MAPKBP1: variants seen among roughly 807,000 people sequenced by gnomAD.
MAPKBP1 encodes mitogen-activated protein kinase-binding protein 1.
MAPKBP1 carries 71 observed loss-of-function variants against 170.5 expected under a neutral mutation model. The observed-to-expected ratio is 0.42, with a 90% CI of 0.34 to 0.51. The LOEUF (loss-of-function observed/expected upper bound fraction) is 0.51. Among genes scored for constraint, MAPKBP1 ranks in the 20% least tolerant of loss-of-function variants. MAPKBP1 has a pLI of 0.06. For missense variants in MAPKBP1, 1,598 were observed against 1,933.0 expected (o/e 0.83, Z 3.25); for synonymous variants, 719 against 757.9 (o/e 0.95, Z 0.84).
intron 2 of MAPKBP1, among the ~76,000 whole-genome samples, chr15:41,779,008 T>A (rs755051291): frequency 1.3e-5 from 2 of 152,244 alleles, no homozygotes; most frequent in Non-Finnish European, 2.9e-5. Flanking sequence ...TGTGTTTTTT[T>A]AATTGTAAAT....
chr15:41,790,414 A>G (rs1032602991), intron 2 of MAPKBP1, among the ~76,000 whole-genome samples: 1 of 152,150 alleles, frequency 6.6e-6, no homozygotes, highest in African/African-American at 2.4e-5. Context: ...GACTGTTGTT[A>G]CATGAAAAAA....
In MAPKBP1 at chr15:41,774,830, G is replaced by A. The variant is rs1567129284; in HGVS notation, c.-110+220G>A. ...GGTGTCCAGGCCTGCGGAAATCCCTGGTGGTCTCGGCGGCCTCCTCCCTTG... is the reference window on the plus strand; with the variant it reads ...GGTGTCCAGGCCTGCGGAAATCCCTAGTGGTCTCGGCGGCCTCCTCCCTTG... On this transcript the variant is annotated intron_variant, in intron 1 of 30. Transcript: ENST00000457542. The A allele has an allele frequency of 1.0e-5, 4 of 401,502 alleles. No homozygotes were observed. The Admixed American group carries it at 1.7e-4, about 17-fold the overall frequency. The allele number at this position is 401,502 out of a possible 1,614,324, so 24.9% of individuals were successfully genotyped here.
chr15:41,810,730 A>G (rs1019747071), intron 3 of MAPKBP1, 153 bp from the exon 4 acceptor site: 9 of 608,114 alleles, frequency 1.5e-5, no homozygotes, highest in African/African-American at 3.7e-5. Context: ...AAAAAAAAAA[A>G]AAAAAAAAAG....
rs1485045479 is a variant in MAPKBP1 at position 41,774,507 on chromosome 15, C to CCTG, written c.-205_-203dup. ...TTGAGCCGATCGTGCCACCATAGCT[C>CCTG]CTGCTGCTGCCTCTACCGCTGCGGC... On this transcript the variant is annotated 5_prime_UTR_variant, in exon 1 of 31. Coordinates refer to ENST00000457542, the MANE Select transcript of MAPKBP1 (RefSeq NM_014994.3). 3 of 398,498 alleles carry CCTG rather than the reference C, an allele frequency of 7.5e-6. No individual in the cohort carries two copies. The highest frequency in any genetic ancestry group is 1.3e-5 in the Non-Finnish European group (3 of 225,962). 24.7% of individuals were successfully genotyped at this position (398,498 alleles called of 1,614,324 possible). A position where few individuals can be genotyped will look rare whatever the true frequency, so the allele number is the denominator to read the frequency against.
intron 7 of MAPKBP1, 116 bp downstream of exon 7, chr15:41,812,769 A>T (rs186982536): frequency 1.4e-6 from 2 of 1,466,594 alleles, no homozygotes; most frequent in East Asian, 4.6e-5. Context: ...GTCATGCAGA[A>T]GTTTTGGATG....
At position 41,817,416 on chromosome 15, in the gene MAPKBP1, C is replaced by T. The variant is rs1180481048; in HGVS notation, c.1740C>T (p.Ser580=). Residue 580 remains serine (S), a synonymous_variant, in exon 15 of 31, where the codon AGC becomes AGT. Coordinates refer to ENST00000457542, the MANE Select transcript of MAPKBP1 (RefSeq NM_014994.3). This position sits in a 1 kb window ranked among gnomAD's most constrained non-coding sequence, Gnocchi z 4.2. Reference sequence around the variant, plus strand: ...GTGATGGGCAAGTCCGCATGATCAGCTGTGGAGCAGACAAGAGCATCTACT... The same window carrying T: ...GTGATGGGCAAGTCCGCATGATCAGTTGTGGAGCAGACAAGAGCATCTACT... ...AASDGQVRMI[S]CGADKSIYFR... is the part of the protein sequence containing the mutation. 2 of 1,592,318 alleles carry T rather than the reference C, an allele frequency of 1.3e-6. No individual in the cohort carries two copies. The highest frequency in any genetic ancestry group is 1.7e-6 in the Non-Finnish European group (2 of 1,166,770).
chr15:41,811,742 G>A (rs1443067992), intron 5 of MAPKBP1: 2 of 694,018 alleles, frequency 2.9e-6, no homozygotes, highest in South Asian at 3.0e-5. Flanking sequence ...GCCACCCAGA[G>A]ATGCTGACTA....
intron 3 of MAPKBP1, among the ~76,000 whole-genome samples, chr15:41,806,607 C>T (rs1315136230): frequency 2.0e-5 from 3 of 152,198 alleles, no homozygotes; most frequent in African/African-American, 2.4e-5. Flanking sequence ...TACTCCACAG[C>T]GTGACTCCCC....
At chr15:41,810,742 AAAG>A in intron 3 of MAPKBP1, 138 bp from the exon 4 acceptor site, 4 of 618,992 alleles carry the variant, frequency 6.5e-6, no homozygotes, top group East Asian at 2.7e-5. Context: ...AAAAAAAAGA[AAAG>A]GAAAAAAACA....
chr15:41,793,331 C>CA (rs1403432880), intron 2 of MAPKBP1, among the ~76,000 whole-genome samples: 1 of 152,018 alleles, frequency 6.6e-6, no homozygotes, highest in African/African-American at 2.4e-5. Flanking sequence ...ACTAAAAATA[C>CA]AAAAAATTAG....
At position 41,822,606 on chromosome 15, in the gene MAPKBP1, G is replaced by C. The variant is rs1326621206; in HGVS notation, c.3243G>C (p.Gln1081His). 13 of 1,613,902 alleles carry C rather than the reference G, an allele frequency of 8.1e-6. No individual in the cohort carries two copies. The highest frequency in any genetic ancestry group is 1.0e-5 in the Non-Finnish European group (12 of 1,179,990). Residue 1081 changes from glutamine (Q) to histidine (H), a missense_variant, in exon 27 of 31, where the codon CAG becomes CAC. Gln to His is a conservative substitution (Grantham distance 24, BLOSUM62 0). Coordinates refer to ENST00000457542, the MANE Select transcript of MAPKBP1 (RefSeq NM_014994.3). ...ASGAAPGAPV[Q>H]VPERSESRSI... Reference sequence around the variant, plus strand: ...TGACCTTGGTAGGGGCCCCAGTGCAGGTCCCAGAGAGGTCAGAGTCTCGGA... The same window carrying C: ...TGACCTTGGTAGGGGCCCCAGTGCACGTCCCAGAGAGGTCAGAGTCTCGGA...
intron 2 of MAPKBP1, among the ~76,000 whole-genome samples, chr15:41,779,160 A>G (rs938184822): frequency 3.9e-5 from 6 of 152,128 alleles, no homozygotes; most frequent in South Asian, 2.1e-4. Context: ...CAATACTCTA[A>G]TTTCAGCTTT....
chr15:41,813,210 C>A, intron 8 of MAPKBP1, 109 bp downstream of exon 8: 3 of 1,518,790 alleles, frequency 2.0e-6, no homozygotes, highest in Non-Finnish European at 2.7e-6. Flanking sequence ...TACGGGAGAT[C>A]CCAGGAGAAC....
chr15:41,825,042 C>T, intron 30 of MAPKBP1, 167 bp from the exon 31 acceptor site: 1 of 594,246 alleles, frequency 1.7e-6, no homozygotes, highest in South Asian at 2.2e-5. Flanking sequence ...TGGGCGTCAC[C>T]CCCAGAGTCT....
At chr15:41,808,463 T>C (rs1336814345) in intron 3 of MAPKBP1, among the ~76,000 whole-genome samples, 1 of 150,944 alleles carries the variant, frequency 6.6e-6, no homozygotes, top group Non-Finnish European at 1.5e-5. Context: ...TCCAGAGCCA[T>C]CTTGCTTTTG....
rs1342808658 is a variant in MAPKBP1, at chr15:41,825,671, G to A, written c.*235G>A. ...CCTCCACAGCCCCTCCAGTGGCAGG[G>A]ACAGGTCTTGGGTCTTTGTCATCTT... is the stretch of plus-strand genomic sequence containing the variant. On this transcript the variant is annotated 3_prime_UTR_variant, in exon 31 of 31. Coordinates refer to ENST00000457542, the MANE Select transcript of MAPKBP1 (RefSeq NM_014994.3). 2.0e-6 allele frequency: 1 copy of A among 493,130 alleles called. No individual in the cohort carries two copies. The highest frequency in any genetic ancestry group is 3.6e-6 in the Non-Finnish European group (1 of 276,078). 30.5% of individuals were successfully genotyped at this position (493,130 alleles called of 1,614,324 possible). A position where few individuals can be genotyped will look rare whatever the true frequency, so the allele number is the denominator to read the frequency against.
At chr15:41,802,892 G>A (rs1462071488) in intron 3 of MAPKBP1, among the ~76,000 whole-genome samples, 2 of 152,128 alleles carry the variant, frequency 1.3e-5, no homozygotes. Flanking sequence ...GAACTACATA[G>A]GGTCAGGATC....
rs2064905350 is a variant in MAPKBP1 at position 41,817,120 on chromosome 15, A to G, written c.1711+85A>G. 7.2e-6 allele frequency: 11 copies of G among 1,520,034 alleles called. No homozygotes were observed. Among genetic ancestry groups the G allele is most frequent in the South Asian group, 1.3e-5 (1 of 76,562 alleles). 94.2% of individuals were successfully genotyped at this position (1,520,034 alleles called of 1,614,324 possible). A position where few individuals can be genotyped will look rare whatever the true frequency, so the allele number is the denominator to read the frequency against. On this transcript the variant is annotated intron_variant, in intron 14 of 30. Coordinates refer to ENST00000457542, the MANE Select transcript of MAPKBP1 (RefSeq NM_014994.3). The surrounding 1 kb of genome is among the most constrained non-coding windows in gnomAD (Gnocchi z 4.2). ...CCACCTCCATGAGAAGGGTCTGCCC[A>G]TTGTGGGGGAGTGTTGGACAGCAGC...
At chr15:41,779,441 C>A (rs2064147773) in intron 2 of MAPKBP1, among the ~76,000 whole-genome samples, 1 of 152,084 alleles carries the variant, frequency 6.6e-6, no homozygotes, top group South Asian at 2.1e-4. Context: ...AAACTCCTGA[C>A]CTCGTGATCT....
Sources: gnomAD v4.1 joint callset for allele counts (sites outside exome capture counted in the v4.1 genomes callset) on GRCh38, gnomAD v4.1.1 for gene constraint, Gnocchi (gnomAD v3.1) non-coding constraint, MANE v1.5 for transcripts, NCBI Gene and HGNC (gene_info 2026-07-23, HGNC 2026-07-21) for gene names.